The following RGS17 variants were observed in gnomAD, a reference collection of about 807,000 sequenced individuals.
The protein encoded by RGS17 is regulator of G protein signaling 17.
RGS17 carries 12 observed loss-of-function variants against 25.5 expected under a neutral mutation model. The observed-to-expected ratio is 0.47, with a 90% CI of 0.30 to 0.76. RGS17 has a LOEUF of 0.76. Among genes scored for constraint, RGS17 ranks in the 30% least tolerant of loss-of-function variants. The pLI, the probability that RGS17 is intolerant of heterozygous loss-of-function variation, is 0.07. For missense variants in RGS17, 196 were observed against 242.2 expected, an observed-to-expected ratio of 0.81 and a Z score of 1.27; for synonymous variants, 71 against 76.9, an observed-to-expected ratio of 0.92 and a Z score of 0.40.
intron 2 of RGS17, among the ~76,000 whole-genome samples, chr6:153,040,995 TAAA>T (rs71017569): frequency 1.3e-4 from 16 of 122,120 alleles, no homozygotes; most frequent in Admixed American, 3.5e-4. Context: ...CTGACTCCAC[TAAA>T]AAAAAAAAAA....
At position 153,101,791 on chromosome 6, in the gene RGS17, A is replaced by ACTCT. The variant is rs112427467; in HGVS notation, c.-26+29329_-26+29332dup. 1.9e-3 allele frequency among the ~76,000 whole-genome samples: 286 copies of ACTCT among 150,190 alleles called. 1 individual carries two copies. Among genetic ancestry groups the ACTCT allele is most frequent in the Non-Finnish European group, 1.9e-3 (131 of 67,510 alleles). Reference sequence around the variant, plus strand: ...GAAAGTATGTGGTACTTCCCCCTTCACTCTCTCTCTCTCTCTCCTGCCACC... The same window carrying ACTCT: ...GAAAGTATGTGGTACTTCCCCCTTCACTCTCTCTCTCTCTCTCTCTCCTGCCACC... On this transcript the variant is annotated intron_variant, in intron 1 of 4. Coordinates refer to ENST00000206262, the MANE Select transcript of RGS17 (RefSeq NM_012419.5).
intron 4 of RGS17, among the ~76,000 whole-genome samples, chr6:153,014,286 T>A (rs1232912801): frequency 2.6e-5 from 4 of 152,188 alleles, no homozygotes; most frequent in African/African-American, 4.8e-5. Flanking sequence ...ATAGCATGTC[T>A]TACTGGGTGT....
At chr6:153,053,250 C>T (rs533783020) in intron 1 of RGS17, among the ~76,000 whole-genome samples, 101 of 152,196 alleles carry the variant, frequency 6.6e-4, no homozygotes, top group Non-Finnish European at 1.1e-3. Flanking sequence ...AATCACAAAA[C>T]AATGTTGAAT....
intron 1 of RGS17, among the ~76,000 whole-genome samples, chr6:153,128,887 C>G (rs1380717827): frequency 6.6e-6 from 1 of 152,162 alleles, no homozygotes; most frequent in African/African-American, 2.4e-5. Flanking sequence ...TAAATTAACT[C>G]TCCTTGTTAA....
chr6:153,089,547 T>C (rs1233928623), intron 1 of RGS17, among the ~76,000 whole-genome samples: 1 of 152,046 alleles, frequency 6.6e-6, no homozygotes, highest in Non-Finnish European at 1.5e-5. Flanking sequence ...TGTAAGAAAA[T>C]GATATTTAGA....
At chr6:153,116,172 G>T (rs1459989289) in intron 1 of RGS17, among the ~76,000 whole-genome samples, 1 of 152,064 alleles carries the variant, frequency 6.6e-6, no homozygotes, top group African/African-American at 2.4e-5. Context: ...CAATCTGTCT[G>T]TCTGACAAAG....
At chr6:153,012,024 A>G (rs1052297183) in intron 4 of RGS17, among the ~76,000 whole-genome samples, 1 of 152,194 alleles carries the variant, frequency 6.6e-6, no homozygotes, top group African/African-American at 2.4e-5. Context: ...TATGGTTTCT[A>G]TGCATTCATT....
At chr6:153,124,883 G>A (rs558045336) in intron 1 of RGS17, among the ~76,000 whole-genome samples, 119 of 152,198 alleles carry the variant, frequency 7.8e-4, no homozygotes, top group Admixed American at 1.4e-3. Context: ...ACATAGGGTC[G>A]TCTACCAAGA....
chr6:153,071,682 G>A (rs1776804828), intron 1 of RGS17, among the ~76,000 whole-genome samples: 1 of 152,064 alleles, frequency 6.6e-6, no homozygotes, highest in Non-Finnish European at 1.5e-5. Flanking sequence ...TTGGTTTAGA[G>A]AAATAATAAC....
chr6:153,020,107 AAAAAATATAT>A (rs1562312929), intron 4 of RGS17, among the ~76,000 whole-genome samples: 1 of 47,854 alleles, frequency 2.1e-5, no homozygotes, highest in African/African-American at 8.9e-5. Context: ...TCTTAAAAAA[AAAAAATATAT>A]ATATATATAT....
Position 153,042,238 on chromosome 6 carries a change from A to AGGC in RGS17, c.119+1661_119+1662insGCC, listed in dbSNP as rs201562978. ...CTCCATCTTAAATTATTAAGGCTTA[A>AGGC]TAATGAAAGGAAACAAATTATGTAT... On this transcript the variant is annotated intron_variant, in intron 2 of 4. Coordinates refer to ENST00000206262, the MANE Select transcript of RGS17 (RefSeq NM_012419.5). Among the ~76,000 whole-genome samples, 600 of 152,350 alleles carry AGGC rather than the reference A, an allele frequency of 3.9e-3. 13 individuals carry two copies. Among genetic ancestry groups the AGGC allele is most frequent in the Admixed American group, 0.028 (430 of 15,288 alleles).
chr6:153,121,971 CCTT>C (rs1201055964), intron 1 of RGS17, among the ~76,000 whole-genome samples: 1 of 152,134 alleles, frequency 6.6e-6, no homozygotes, highest in African/African-American at 2.4e-5. Flanking sequence ...GAAAAAATTA[CCTT>C]CTTAAGATTA....
rs527727705 is a variant in RGS17, at chr6:153,094,511, G to A, written c.-26+36613C>T. ...TTGCTTTTCTCTACCTAATTTCCAT[G>A]GTTTGATTTTGATACTTTTTGAAAA... On this transcript the variant is annotated intron_variant, in intron 1 of 4. Coordinates refer to ENST00000206262, the MANE Select transcript of RGS17 (RefSeq NM_012419.5). Among the ~76,000 whole-genome samples, 4 of 152,166 alleles carry A rather than the reference G, an allele frequency of 2.6e-5. No individual in the cohort carries two copies. The South Asian group carries it at 8.3e-4, about 32-fold the overall frequency.
At chr6:153,025,115 G>C (rs1158756345) in intron 3 of RGS17, among the ~76,000 whole-genome samples, 3 of 151,122 alleles carry the variant, frequency 2.0e-5, no homozygotes, top group Non-Finnish European at 4.4e-5. Flanking sequence ...TTTGAGGTCA[G>C]CCTGGGAAAC....
At chr6:153,091,958 G>A (rs773201214) in intron 1 of RGS17, among the ~76,000 whole-genome samples, 2 of 151,976 alleles carry the variant, frequency 1.3e-5, no homozygotes, top group Non-Finnish European at 1.5e-5. Flanking sequence ...ATCAAGCCAC[G>A]AGCTTTTTAG....
chr6:153,056,598 T>C (rs1294293698), intron 1 of RGS17, among the ~76,000 whole-genome samples: 1 of 152,194 alleles, frequency 6.6e-6, no homozygotes, highest in Non-Finnish European at 1.5e-5. Flanking sequence ...CAAGTTTACA[T>C]AGATGATTAG....
At chr6:153,067,031 C>T (rs1430207244) in intron 1 of RGS17, among the ~76,000 whole-genome samples, 1 of 141,078 alleles carries the variant, frequency 7.1e-6, no homozygotes, top group Non-Finnish European at 1.5e-5. Flanking sequence ...CAGAGTGAGA[C>T]TCTGTCTCAA....
chr6:153,127,671 T>C (rs190151624), intron 1 of RGS17, among the ~76,000 whole-genome samples: 50 of 152,310 alleles, frequency 3.3e-4, no homozygotes, highest in Middle Eastern at 3.4e-3. Context: ...TAAGCAAATA[T>C]AGAGCTTTTA....
At chr6:153,028,571 T>C (rs548658042) in intron 2 of RGS17, among the ~76,000 whole-genome samples, 1 of 152,158 alleles carries the variant, frequency 6.6e-6, no homozygotes, top group Non-Finnish European at 1.5e-5. Context: ...TGGAATTTGA[T>C]GTATTTCCAG....
Sources: allele counts gnomAD v4.1 joint callset (sites outside exome capture counted in the v4.1 genomes callset), GRCh38; gene constraint gnomAD v4.1.1; transcripts MANE v1.5; gene names NCBI Gene and HGNC (gene_info 2026-07-23, HGNC 2026-07-21).